Variants in AGBL4 observed in about 807,000 individuals in gnomAD.
AGBL4 encodes cytosolic carboxypeptidase 6.
In AGBL4, 58 loss-of-function variants were observed where a neutral mutation model predicts 66.4. That is an observed-to-expected ratio of 0.87 (90% CI 0.71 to 1.09). The LOEUF is 1.09. Ranked by LOEUF, AGBL4 falls within the 50% of genes least tolerant of loss-of-function variation. The pLI is 0.00. For synonymous variants in AGBL4, 234 were observed against 222.9 expected, an observed-to-expected ratio of 1.05 and a Z score of -0.44; for missense variants, 579 against 631.0, an observed-to-expected ratio of 0.92 and a Z score of 0.88.
chr1:48,902,279 A>G (rs1233145307), intron 5 of AGBL4, among the ~76,000 whole-genome samples: 1 of 152,188 alleles, frequency 6.6e-6, no homozygotes, highest in Non-Finnish European at 1.5e-5. Context: ...ATCTCAATTA[A>G]TTTTTTTAAA....
intron 3 of AGBL4, among the ~76,000 whole-genome samples, chr1:49,347,742 C>G (rs1330790330): frequency 6.6e-6 from 1 of 151,620 alleles, no homozygotes; most frequent in Non-Finnish European, 1.5e-5. Flanking sequence ...CGCCTGTAGT[C>G]CCAGCTACTC....
chr1:48,756,474 T>C (rs1643931907), intron 6 of AGBL4, among the ~76,000 whole-genome samples: 1 of 152,178 alleles, frequency 6.6e-6, no homozygotes, highest in African/African-American at 2.4e-5. Flanking sequence ...ACTGAATTCT[T>C]ACACTAGGCT....
chr1:49,929,548 T>A (rs1221972366), intron 1 of AGBL4, among the ~76,000 whole-genome samples: 1 of 152,030 alleles, frequency 6.6e-6, no homozygotes, highest in South Asian at 2.1e-4. Flanking sequence ...TACATTTCAA[T>A]AAGCTGTTTA....
At chr1:49,453,902 C>G (rs1646333634) in intron 3 of AGBL4, among the ~76,000 whole-genome samples, 1 of 151,776 alleles carries the variant, frequency 6.6e-6, no homozygotes, top group Admixed American at 6.6e-5. Flanking sequence ...CACATTGATT[C>G]CTTTCAGCTT....
intron 1 of AGBL4, among the ~76,000 whole-genome samples, chr1:49,854,691 T>C (rs1235663969): frequency 6.6e-6 from 1 of 152,148 alleles, no homozygotes; most frequent in Non-Finnish European, 1.5e-5. Context: ...AGCATTATGA[T>C]GCCTGCTGGA....
intron 11 of AGBL4, among the ~76,000 whole-genome samples, chr1:48,575,005 C>T (rs934653302): frequency 8.6e-5 from 13 of 152,022 alleles, no homozygotes; most frequent in African/African-American, 3.1e-4. Flanking sequence ...TACACGTAGT[C>T]GATGTTCAAT....
chr1:49,832,962 T>C (rs1316114777), intron 2 of AGBL4, among the ~76,000 whole-genome samples: 3 of 151,990 alleles, frequency 2.0e-5, no homozygotes, highest in African/African-American at 7.2e-5. Context: ...ACTCTGATGG[T>C]AGTTTCTTTT....
At chr1:49,825,612 G>A (rs1421101256) in intron 2 of AGBL4, among the ~76,000 whole-genome samples, 3 of 152,152 alleles carry the variant, frequency 2.0e-5, no homozygotes, top group African/African-American at 7.2e-5. Context: ...TAAATTAACA[G>A]ATTTTGATTA....
intron 4 of AGBL4, among the ~76,000 whole-genome samples, chr1:49,067,295 G>A (rs1644508896): frequency 6.6e-6 from 1 of 152,086 alleles, no homozygotes; most frequent in African/African-American, 2.4e-5. Flanking sequence ...TTTAAAGAAA[G>A]GATTTTTTTA....
At chr1:48,995,680 G>C (rs1004975539) in intron 5 of AGBL4, among the ~76,000 whole-genome samples, 2 of 152,208 alleles carry the variant, frequency 1.3e-5, no homozygotes, top group Admixed American at 6.5e-5. Flanking sequence ...TTTCCTATGG[G>C]AAGAGTGCCA....
chr1:49,207,429 C>T (rs1289966964), intron 4 of AGBL4, among the ~76,000 whole-genome samples: 2 of 148,294 alleles, frequency 1.3e-5, no homozygotes, highest in African/African-American at 2.5e-5. Flanking sequence ...CACTGAGTAT[C>T]TCCTTTCTTT....
At chr1:48,773,139 G>C (rs1644916967) in intron 6 of AGBL4, among the ~76,000 whole-genome samples, 1 of 151,958 alleles carries the variant, frequency 6.6e-6, no homozygotes, top group Admixed American at 6.6e-5. Flanking sequence ...GGAGACATCT[G>C]AAACAAAAAA....
chr1:49,518,980 C>T (rs1650050620), intron 3 of AGBL4, among the ~76,000 whole-genome samples: 1 of 151,834 alleles, frequency 6.6e-6, no homozygotes, highest in Admixed American at 6.6e-5. Context: ...ATAAATAATC[C>T]CTCTTACAAA....
At chr1:49,403,979 T>C (rs1645142692) in intron 3 of AGBL4, among the ~76,000 whole-genome samples, 1 of 152,186 alleles carries the variant, frequency 6.6e-6, no homozygotes, top group Non-Finnish European at 1.5e-5. Context: ...CCCTCCCATT[T>C]ATCTGAGTAA....
At chr1:48,792,836 G>GCCTTT (rs1334155454) in intron 6 of AGBL4, among the ~76,000 whole-genome samples, 1 of 152,098 alleles carries the variant, frequency 6.6e-6, no homozygotes, top group Non-Finnish European at 1.5e-5. Context: ...ATATTCATCA[G>GCCTTT]CCTTCTAGAT....
At chr1:48,549,467 G>C (rs1017988812) in intron 11 of AGBL4, among the ~76,000 whole-genome samples, 9 of 151,946 alleles carry the variant, frequency 5.9e-5, no homozygotes, top group Admixed American at 5.2e-4. Context: ...AGAGGGAGAA[G>C]GAGAGGGAGA....
intron 3 of AGBL4, among the ~76,000 whole-genome samples, chr1:49,390,789 C>A (rs1168720932): frequency 6.6e-6 from 1 of 152,128 alleles, no homozygotes; most frequent in Non-Finnish European, 1.5e-5. Context: ...ACCTTGACAG[C>A]TTATTGTCTA....
chr1:49,516,413 A>G (rs1197415355), intron 3 of AGBL4, among the ~76,000 whole-genome samples: 1 of 152,092 alleles, frequency 6.6e-6, no homozygotes, highest in African/African-American at 2.4e-5. Flanking sequence ...TTGTAGATAA[A>G]AAAGAGGTGT....
chr1:49,748,000 A>C (rs916330764), intron 2 of AGBL4, among the ~76,000 whole-genome samples: 1 of 151,050 alleles, frequency 6.6e-6, no homozygotes, highest in Non-Finnish European at 1.5e-5. Context: ...AGATTTATTT[A>C]CTTTTTACTT....
Sources: gnomAD v4.1 joint callset for allele counts (sites outside exome capture counted in the v4.1 genomes callset) on GRCh38, gnomAD v4.1.1 for gene constraint, MANE v1.5 for transcripts, NCBI Gene and HGNC (gene_info 2026-07-23, HGNC 2026-07-21) for gene names.